Variants in COL1A1 observed in about 807,000 individuals in gnomAD.
The protein encoded by COL1A1 is collagen alpha-1(I) chain.
Under a neutral mutation model 195.7 loss-of-function variants are expected in COL1A1, and 21 were observed. That is an observed-to-expected ratio of 0.11 (90% CI 0.08 to 0.15). COL1A1 has a LOEUF of 0.15. Among genes scored for constraint, COL1A1 ranks in the 10% least tolerant of loss-of-function variants. The pLI is 1.00. For missense variants in COL1A1, 1,365 were observed against 2,051.0 expected (o/e 0.67, Z 6.46); for synonymous variants, 749 against 747.3 (o/e 1.00, Z -0.04).
chr17:50,190,111 G>T lies in COL1A1; in HGVS notation c.2452-3C>A. 6.2e-7 allele frequency: 1 copy of T among 1,613,346 alleles called. No individual in the cohort carries two copies. Among genetic ancestry groups the T allele is most frequent in the Non-Finnish European group, 8.5e-7 (1 of 1,179,542 alleles). On this transcript the variant is annotated splice_polypyrimidine_tract_variant and splice_region_variant and intron_variant, in intron 35 of 50. Transcript: ENST00000225964. This position sits in a 1 kb window ranked among gnomAD's most constrained non-coding sequence, Gnocchi z 4.7. ...GCACCAGGTTGGCCGTCAGCACCCT[G>T]GGGGAGGAAGCAGGGCGGTGAATGG...
chr17:50,199,760 G>A lies in COL1A1; in HGVS notation c.291C>T (p.Asp97=), dbSNP rs1417121374. ...CCCCGAGCGCAGCCGCACCTGAGCC[G>A]TCGGGGCAGACGGGACAGCACTCGC... ...PEGECCPVCP[D]GSESPTDQET... Residue 97 remains aspartate (D), a synonymous_variant, in exon 2 of 51, where the codon GAC becomes GAT. Transcript: ENST00000225964. 7 of 1,612,300 alleles carry A rather than the reference G, an allele frequency of 4.3e-6. No homozygotes were observed. The highest frequency in any genetic ancestry group is 4.5e-5 in the East Asian group (2 of 44,874).
At position 50,189,182 on chromosome 17, in the gene COL1A1, G is replaced by C. The variant is rs1906844147; in HGVS notation, c.2923C>G (p.Leu975Val). Residue 975 changes from leucine (L) to valine (V), a missense_variant, in exon 40 of 51, where the codon CTT (leucine) becomes GTT (valine). Around this residue, in one of 5 missense-constraint regions of COL1A1, gnomAD observed 671 missense variants for 1,099.9 expected, o/e 0.61. Coordinates refer to ENST00000225964, the MANE Select transcript of COL1A1 (RefSeq NM_000088.4). The surrounding 1 kb of genome is among the most constrained non-coding windows in gnomAD (Gnocchi z 5.5). ...GGGGCACTTACAGAGGGGCCAGGAA[G>C]ACCAGGGAAGCCTCTCTCTCCTCTC... ...GQRGERGFPGLPGPSGEPGKQ... is the reference protein window; with the variant it reads ...GQRGERGFPGVPGPSGEPGKQ... The C allele has an allele frequency of 4.3e-6, 7 of 1,613,836 alleles. No homozygotes were observed. Among genetic ancestry groups the C allele is most frequent in the Non-Finnish European group, 3.4e-6 (4 of 1,179,954 alleles).
intron 46 of COL1A1, 143 bp from the exon 47 acceptor site, chr17:50,187,265 A>G: frequency 1.2e-6 from 1 of 841,564 alleles, no homozygotes. Context: ...AGGACATGCC[A>G]TAGCTCCTCC....
chr17:50,187,165 G>C, intron 46 of COL1A1, 43 bp from the exon 47 acceptor site: 3 of 1,481,948 alleles, frequency 2.0e-6, no homozygotes, highest in Non-Finnish European at 2.8e-6. Context: ...CCAGAAGCCC[G>C]AACAACCCCA....
Position 50,188,647 on chromosome 17 carries a change from A to T in COL1A1, c.3100-10T>A, listed in dbSNP as rs1598288122. ...TCTCACCACGGTCACCCTGGCGGGG[A>T]GAGCAGGGGAATATGGGTCAGCCCC... On this transcript the variant is annotated splice_polypyrimidine_tract_variant and intron_variant, in intron 42 of 50. Transcript: ENST00000225964. This position sits in a 1 kb window ranked among gnomAD's most constrained non-coding sequence, Gnocchi z 5.6. The T allele has an allele frequency of 6.2e-7, 1 of 1,613,658 alleles. No homozygotes were observed. The highest frequency in any genetic ancestry group is 8.5e-7 in the Non-Finnish European group (1 of 1,179,778).
intron 1 of COL1A1, 28 bp from the exon 2 acceptor site, chr17:50,199,975 C>G (rs752846111): frequency 2.5e-6 from 4 of 1,611,610 alleles, no homozygotes; most frequent in African/African-American, 1.3e-5. Context: ...GGGGCGTTGT[C>G]AGTAGTGACT....
At position 50,188,498 on chromosome 17, in the gene COL1A1, C is replaced by T; in HGVS notation, c.3207+32G>A. 6.3e-7 allele frequency: 1 copy of T among 1,594,930 alleles called. No homozygotes were observed. Among genetic ancestry groups the T allele is most frequent in the Non-Finnish European group, 8.6e-7 (1 of 1,162,662 alleles). The stretch of plus-strand genomic sequence containing the variant: ...AGGCCTGAAGAGTCCCTGGCCTGAC[C>T]AGGTACAGGGAACTGGAGCCCAGCT... On this transcript the variant is annotated intron_variant, in intron 43 of 50. Transcript: ENST00000225964. This position sits in a 1 kb window ranked among gnomAD's most constrained non-coding sequence, Gnocchi z 5.6.
At chr17:50,199,162 T>A in intron 5 of COL1A1, 64 bp downstream of exon 5, 7 of 1,428,318 alleles carry the variant, frequency 4.9e-6, no homozygotes, top group South Asian at 1.6e-5. Context: ...TATAAAATTA[T>A]GTCATCTGCC....
At position 50,194,078 on chromosome 17, in the gene COL1A1, G is replaced by T. The variant is rs1907341931; in HGVS notation, c.1669-37C>A. On this transcript the variant is annotated intron_variant, in intron 24 of 50. Coordinates refer to ENST00000225964, the MANE Select transcript of COL1A1 (RefSeq NM_000088.4). The surrounding 1 kb of genome is among the most constrained non-coding windows in gnomAD (Gnocchi z 6.8). ...AGGCACGAAAGCAGCAGTGAGGACA[G>T]CAGGGAGGCAGACAGGACAATGGCA... The T allele has an allele frequency of 6.2e-7, 1 of 1,609,686 alleles. No homozygotes were observed. The highest frequency in any genetic ancestry group is 1.3e-5 in the African/African-American group (1 of 74,740).
In COL1A1 at chr17:50,195,008, G is replaced by A. The variant is rs1907447066; in HGVS notation, c.1353+39C>T. On this transcript the variant is annotated intron_variant, in intron 20 of 50. Transcript: ENST00000225964. This position sits in a 1 kb window ranked among gnomAD's most constrained non-coding sequence, Gnocchi z 4.3. ...TTCCCTCAGGGGGCTCCTAGGGCAG[G>A]GTGGGCTGGGCTGCAAGAAGGATGG... 2 of 1,605,024 alleles carry A rather than the reference G, an allele frequency of 1.2e-6. No homozygotes were observed. The highest frequency in any genetic ancestry group is 1.7e-5 in the Admixed American group (1 of 59,958).
chr17:50,192,094 G>T (rs1290714773), intron 29 of COL1A1, 70 bp from the exon 30 acceptor site: 3 of 1,529,998 alleles, frequency 2.0e-6, no homozygotes, highest in Admixed American at 3.7e-5. Flanking sequence ...GGAAAGCACG[G>T]TCCTTCCTCC....
rs138425306 is a variant in COL1A1, at chr17:50,188,799, CAGAG to C, written c.3046-8_3046-5del. ...AACCTTCGGCACCAGGAGCCCCCTG[CAGAG>C]AGAGAGAGAGAGAAGTGAGAGTCAG... On this transcript the variant is annotated splice_region_variant and splice_polypyrimidine_tract_variant and intron_variant, in intron 41 of 50. Transcript: ENST00000225964. The surrounding 1 kb of genome is among the most constrained non-coding windows in gnomAD (Gnocchi z 5.6). 2.9e-5 allele frequency: 44 copies of C among 1,530,080 alleles called. No individual in the cohort carries two copies. Among genetic ancestry groups the C allele is most frequent in the Middle Eastern group, 1.7e-4 (1 of 5,814 alleles). 94.8% of individuals were successfully genotyped at this position (1,530,080 alleles called of 1,614,324 possible).
chr17:50,188,301 A>G lies in COL1A1; in HGVS notation c.3208-152T>C. 3 of 893,228 alleles carry G rather than the reference A, an allele frequency of 3.4e-6. No homozygotes were observed. Among genetic ancestry groups the G allele is most frequent in the Non-Finnish European group, 5.1e-6 (3 of 589,202 alleles). The allele number at this position is 893,228 out of a possible 1,614,324, so 55.3% of individuals were successfully genotyped here. ...ACTCCCAGGGAAACCTCCCCACTGC[A>G]ATCTTCACGGGAGCTGGGGCCAACT... On this transcript the variant is annotated intron_variant, in intron 43 of 50. Transcript: ENST00000225964. The surrounding 1 kb of genome is among the most constrained non-coding windows in gnomAD (Gnocchi z 5.6).
At position 50,187,490 on chromosome 17, in the gene COL1A1, A is replaced by G. The variant is rs1287281281; in HGVS notation, c.3417T>C (p.Gly1139=). The change falls in exon 46 of 51, where the codon GGT becomes GGC. Residue 1139 remains glycine (G), a synonymous_variant. Coordinates refer to ENST00000225964, the MANE Select transcript of COL1A1 (RefSeq NM_000088.4). Reference sequence around the variant, plus strand: ...GAGAGAAGGCATGACTTACTCGGGGACCAGCAGGACCAGAGGCTCCAGAGG... The same window carrying G: ...GAGAGAAGGCATGACTTACTCGGGGGCCAGCAGGACCAGAGGCTCCAGAGG... ...QGPSGASGPA[G]PRGPPGSAGA... 3 of 1,614,044 alleles carry G rather than the reference A, an allele frequency of 1.9e-6. No individual in the cohort carries two copies. Among genetic ancestry groups the G allele is most frequent in the South Asian group, 1.1e-5 (1 of 91,080 alleles).
chr17:50,188,276 A>G lies in COL1A1; in HGVS notation c.3208-127T>C, dbSNP rs41316699. On this transcript the variant is annotated intron_variant, in intron 43 of 50. Transcript: ENST00000225964. This position sits in a 1 kb window ranked among gnomAD's most constrained non-coding sequence, Gnocchi z 5.6. ...CTTCCCACTGTGGCCATCTCTCCCAACTCCCAGGGAAACCTCCCCACTGCA... is the reference window on the plus strand; with the variant it reads ...CTTCCCACTGTGGCCATCTCTCCCAGCTCCCAGGGAAACCTCCCCACTGCA... 6,208 of 1,026,320 alleles carry G rather than the reference A, an allele frequency of 6.0e-3. 189 individuals carry two copies. The African/African-American group carries it at 0.068, about 11-fold the overall frequency. The allele number at this position is 1,026,320 out of a possible 1,614,324, so 63.6% of individuals were successfully genotyped here.
Position 50,195,684 on chromosome 17 carries a change from C to T in COL1A1, c.1057-19G>A, listed in dbSNP as rs745675744. On this transcript the variant is annotated intron_variant, in intron 16 of 50. Transcript: ENST00000225964. The surrounding 1 kb of genome is among the most constrained non-coding windows in gnomAD (Gnocchi z 4.3). ...CTTCACCCTGAATCAGAAGAAAGGA[C>T]ATATCAGAAGCCACCCTGGGAAACC... The T allele has an allele frequency of 8.1e-6, 13 of 1,612,076 alleles. No homozygotes were observed. In the African/African-American group the frequency reaches 1.6e-4, roughly 20 times the overall value.
In COL1A1 at chr17:50,184,692, C is replaced by T. The variant is rs1042126632; in HGVS notation, c.*810G>A. 1.3e-5 allele frequency: 3 copies of T among 229,858 alleles called. No homozygotes were observed. The highest frequency in any genetic ancestry group is 6.7e-5 in the African/African-American group (3 of 44,954). The allele number at this position is 229,858 out of a possible 1,614,324, so 14.2% of individuals were successfully genotyped here. A position where few individuals can be genotyped will look rare whatever the true frequency, so the allele number is the denominator to read the frequency against. On this transcript the variant is annotated 3_prime_UTR_variant, in exon 51 of 51. Transcript: ENST00000225964. ...CCCCCAGGCAGTTGCCCCGGTGACA[C>T]ATCAAGACAAGAACGAGGTAGTCTT...
chr17:50,186,888 G>C lies in COL1A1; in HGVS notation c.3566C>G (p.Pro1189Arg). Residue 1189 changes from proline to arginine, a missense_variant, in exon 48 of 51, where the codon CCT (proline) becomes CGT (arginine). Pro to Arg is a moderately radical substitution (Grantham distance 103). Transcript: ENST00000225964. The surrounding 1 kb of genome is among the most constrained non-coding windows in gnomAD (Gnocchi z 5.3). ...PPGPPGPPGPPGPPSAGFDFS... is the reference protein window; with the variant it reads ...PPGPPGPPGPRGPPSAGFDFS... ...GTCGAAACCAGCGCTGGGAGGACCA[G>C]GGGGACCAGGAGGTCCAGGAGGGCC... The C allele has an allele frequency of 1.2e-6, 2 of 1,613,994 alleles. No individual in the cohort carries two copies. The highest frequency in any genetic ancestry group is 1.7e-6 in the Non-Finnish European group (2 of 1,179,992).
Position 50,188,080 on chromosome 17 carries a change from A to G in COL1A1, c.3261+16T>C, listed in dbSNP as rs1380630497. On this transcript the variant is annotated intron_variant, in intron 44 of 50. Transcript: ENST00000225964. The surrounding 1 kb of genome is among the most constrained non-coding windows in gnomAD (Gnocchi z 5.6). ...GTAGAGTTCTAAAGGCATGGGGGAC[A>G]CAGCAGGGTACTTACGGCGGGGCCA... 6.2e-7 allele frequency: 1 copy of G among 1,612,332 alleles called. No homozygotes were observed. The highest frequency in any genetic ancestry group is 2.2e-5 in the East Asian group (1 of 44,858).
Sources: gnomAD v4.1 joint callset for allele counts on GRCh38, gnomAD v4.1.1 for gene constraint, gnomAD v4.1.1 regional missense constraint, Gnocchi (gnomAD v3.1) non-coding constraint, MANE v1.5 for transcripts, NCBI Gene and HGNC (gene_info 2026-07-23, HGNC 2026-07-21) for gene names.